ELMO2: variants seen among roughly 807,000 people sequenced by gnomAD.
ELMO2 encodes the protein engulfment and cell motility protein 2.
Under a neutral mutation model 96.2 loss-of-function variants are expected in ELMO2, and 37 were observed. The ratio of observed to expected loss-of-function variants is 0.38; its 90% confidence interval spans 0.30 to 0.51. The LOEUF is 0.51. Ranked by LOEUF, ELMO2 falls within the 20% of genes least tolerant of loss-of-function variation. The pLI, the probability that ELMO2 is intolerant of heterozygous loss-of-function variation, is 0.88. For synonymous variants in ELMO2, 315 were observed against 329.4 expected, an observed-to-expected ratio of 0.96 and a Z score of 0.47; for missense variants, 561 against 912.6, an observed-to-expected ratio of 0.61 and a Z score of 4.96.
intron 11 of ELMO2, 159 bp downstream of exon 11, chr20:46,380,094 C>A: frequency 1.7e-6 from 1 of 600,514 alleles, no homozygotes; most frequent in Non-Finnish European, 2.8e-6. Context: ...CACAGAGGAT[C>A]GCGGGAAAAA....
At chr20:46,396,685 A>C (rs1483019470) in intron 2 of ELMO2, among the ~76,000 whole-genome samples, 1 of 152,218 alleles carries the variant, frequency 6.6e-6, no homozygotes, top group Non-Finnish European at 1.5e-5. Flanking sequence ...ATAAGCAGGC[A>C]CAGAAGGTAC....
intron 11 of ELMO2, among the ~76,000 whole-genome samples, chr20:46,378,457 C>T (rs1340020336): frequency 1.3e-5 from 2 of 152,198 alleles, no homozygotes; most frequent in Non-Finnish European, 2.9e-5. Context: ...TTCAGAAGGG[C>T]GCACTCATCC....
chr20:46,383,628 A>G, intron 9 of ELMO2, 134 bp from the exon 10 acceptor site: 1 of 850,542 alleles, frequency 1.2e-6, no homozygotes, highest in Non-Finnish European at 1.9e-6. Context: ...AAAAGCATTC[A>G]AAGTGGGCAT....
intron 9 of ELMO2, among the ~76,000 whole-genome samples, chr20:46,384,415 T>C (rs535009228): frequency 1.1e-4 from 17 of 152,132 alleles, no homozygotes; most frequent in Non-Finnish European, 2.1e-4. Context: ...CAGAGGGCAC[T>C]AAGTATCCCT....
intron 9 of ELMO2, 25 bp from the exon 10 acceptor site, chr20:46,383,519 G>GA (rs2059992977): frequency 1.2e-6 from 2 of 1,600,086 alleles, no homozygotes; most frequent in Non-Finnish European, 1.7e-6. Flanking sequence ...AAAGAAGAGA[G>GA]AGGGAGATTA....
At chr20:46,393,303 T>A (rs2060185882) in intron 5 of ELMO2, among the ~76,000 whole-genome samples, 160 bp from the exon 6 acceptor site, 2 of 152,190 alleles carry the variant, frequency 1.3e-5, no homozygotes, top group Non-Finnish European at 2.9e-5. Flanking sequence ...GCAAAGAATT[T>A]CTAAGATCCT....
intron 20 of ELMO2, 72 bp downstream of exon 20, chr20:46,370,371 G>A: frequency 1.4e-6 from 2 of 1,407,114 alleles, no homozygotes; most frequent in Non-Finnish European, 2.0e-6. Flanking sequence ...GAATGCACCT[G>A]GAAAAAACCA....
chr20:46,395,095 A>G (rs573662815), intron 2 of ELMO2, among the ~76,000 whole-genome samples: 1 of 152,310 alleles, frequency 6.6e-6, no homozygotes, highest in East Asian at 1.9e-4. Flanking sequence ...AATGGGGAAG[A>G]TAACTGGGAC....
rs766074363 is a variant in ELMO2 at position 46,375,022 on chromosome 20, C to T, written c.1065+214G>A. Among the ~76,000 whole-genome samples the T allele has an allele frequency of 2.6e-5, 4 of 152,208 alleles. No homozygotes were observed. The highest frequency in any genetic ancestry group is 4.4e-5 in the Non-Finnish European group (3 of 68,046). On this transcript the variant is annotated intron_variant, in intron 13 of 21. Transcript: ENST00000290246. This position sits in a 1 kb window ranked among gnomAD's most constrained non-coding sequence, Gnocchi z 4.6. The stretch of plus-strand genomic sequence containing the variant: ...ACTCTAGCTGACCGCAACCCCCCTA[C>T]AGATGGATTCGTTTCACAGGGCCAA...
intron 2 of ELMO2, among the ~76,000 whole-genome samples, chr20:46,397,489 G>A (rs1255696482): frequency 3.9e-5 from 6 of 152,130 alleles, no homozygotes; most frequent in African/African-American, 1.4e-4. Flanking sequence ...GGCCAACATG[G>A]CAAAACCCCG....
intron 11 of ELMO2, among the ~76,000 whole-genome samples, chr20:46,377,786 A>G: frequency 6.6e-6 from 1 of 152,156 alleles, no homozygotes; most frequent in East Asian, 1.9e-4. Context: ...TTCTTAGCTC[A>G]GTCTCACTGT....
At chr20:46,380,404 T>C (rs2059935028) in intron 10 of ELMO2, 101 bp from the exon 11 acceptor site, 1 of 975,328 alleles carries the variant, frequency 1.0e-6, no homozygotes, top group Admixed American at 2.2e-5. Flanking sequence ...CTTTTTTGCT[T>C]TCTTAAATTT....
At position 46,374,317 on chromosome 20, in the gene ELMO2, G is replaced by C; in HGVS notation, c.1279+15C>G. On this transcript the variant is annotated intron_variant, in intron 15 of 21. Transcript: ENST00000290246. ...ACAAGGAATGGCTGAAGAAGAGGGAGCTGCAGAGACTTACGTAGTTCCCCA... is the reference window on the plus strand; with the variant it reads ...ACAAGGAATGGCTGAAGAAGAGGGACCTGCAGAGACTTACGTAGTTCCCCA... 6.3e-7 allele frequency: 1 copy of C among 1,596,344 alleles called. No individual in the cohort carries two copies. Among genetic ancestry groups the C allele is most frequent in the Non-Finnish European group, 8.6e-7 (1 of 1,164,048 alleles).
chr20:46,378,458 G>A (rs1052361234), intron 11 of ELMO2, among the ~76,000 whole-genome samples: 1 of 152,206 alleles, frequency 6.6e-6, no homozygotes, highest in Non-Finnish European at 1.5e-5. Context: ...TCAGAAGGGC[G>A]CACTCATCCC....
intron 20 of ELMO2, 28 bp downstream of exon 20, chr20:46,370,415 A>T (rs749870448): frequency 6.2e-7 from 1 of 1,606,004 alleles, no homozygotes; most frequent in South Asian, 1.1e-5. Flanking sequence ...TCACTGGGCC[A>T]GCTACTCAAA....
intron 21 of ELMO2, 83 bp downstream of exon 21, chr20:46,368,808 C>T: frequency 6.8e-7 from 1 of 1,479,096 alleles, no homozygotes. Flanking sequence ...CCACAGGGGA[C>T]TTTCCTGTTT....
chr20:46,395,235 C>A (rs1429071051), intron 2 of ELMO2, among the ~76,000 whole-genome samples: 1 of 152,154 alleles, frequency 6.6e-6, no homozygotes, highest in Non-Finnish European at 1.5e-5. Context: ...CTCTGACCCC[C>A]TCCCCCACTT....
At chr20:46,377,308 G>A (rs1471434327) in intron 11 of ELMO2, among the ~76,000 whole-genome samples, 2 of 152,230 alleles carry the variant, frequency 1.3e-5, no homozygotes, top group South Asian at 2.1e-4. Flanking sequence ...TAACGTTTTC[G>A]ATATCATGGG....
rs747691672 is a variant in ELMO2 at position 46,383,513 on chromosome 20, A to G, written c.678-19T>C. On this transcript the variant is annotated intron_variant, in intron 9 of 21. Coordinates refer to ENST00000290246, the MANE Select transcript of ELMO2 (RefSeq NM_133171.5). ...GTTGGAGCTGTGTCAATGGAGAAAG[A>G]AGAGAGAGGGAGATTAGAAGACTGA... is the stretch of plus-strand genomic sequence containing the variant. 1.9e-6 allele frequency: 3 copies of G among 1,606,804 alleles called. No homozygotes were observed. The highest frequency in any genetic ancestry group is 2.2e-5 in the East Asian group (1 of 44,858).
Sources: allele counts gnomAD v4.1 joint callset (sites outside exome capture counted in the v4.1 genomes callset), GRCh38; gene constraint gnomAD v4.1.1; non-coding constraint Gnocchi (gnomAD v3.1); transcripts MANE v1.5; gene names NCBI Gene and HGNC (gene_info 2026-07-23, HGNC 2026-07-21).